Variants in YBEY observed in about 807,000 individuals in gnomAD.
YBEY encodes endoribonuclease YbeY.
Under a neutral mutation model 13.5 loss-of-function variants are expected in YBEY, and 15 were observed. The ratio of observed to expected loss-of-function variants is 1.11; its 90% CI spans 0.75 to 1.72. YBEY has a LOEUF of 1.72. Among genes scored for constraint, YBEY ranks in the 40% most tolerant of loss-of-function variants. The pLI is 0.00. For missense variants in YBEY, 244 were observed against 208.4 expected, an observed-to-expected ratio of 1.17 and a Z score of -1.05; for synonymous variants, 101 against 83.1, an observed-to-expected ratio of 1.21 and a Z score of -1.17.
downstream of YBEY, among the ~76,000 whole-genome samples, chr21:46,299,419 G>A (rs1601613864): frequency 6.6e-6 from 1 of 152,102 alleles, no homozygotes; most frequent in South Asian, 2.1e-4. Flanking sequence ...GGGGCTCACA[G>A]GTCACCACTG....
intron 3 of YBEY, among the ~76,000 whole-genome samples, chr21:46,294,881 T>C (rs13049747): frequency 0.84 from 126,757 of 151,644 alleles, 53,365 homozygotes; most frequent in African/African-American, 0.92. Context: ...CAAGTGCATC[T>C]GTGTGGCTTG....
chr21:46,297,421 C>G lies in YBEY; in HGVS notation c.409-118C>G, dbSNP rs1379704883. 3 of 1,011,082 alleles carry G rather than the reference C, an allele frequency of 3.0e-6. No individual in the cohort carries two copies. The African/African-American group carries it at 5.0e-5, about 17-fold the overall frequency. 62.6% of individuals were successfully genotyped at this position (1,011,082 alleles called of 1,614,324 possible). A position where few individuals can be genotyped will look rare whatever the true frequency, so the allele number is the denominator to read the frequency against. ...TCCCGCCTTCGGCCTGAGCTAGAGCCGCGCGGGCGGCCGGCTTCCCCCAAA... is the reference window on the plus strand; with the variant it reads ...TCCCGCCTTCGGCCTGAGCTAGAGCGGCGCGGGCGGCCGGCTTCCCCCAAA... On this transcript the variant is annotated intron_variant, in intron 4 of 4. Transcript: ENST00000397701.
At position 46,287,006 on chromosome 21, in the gene YBEY, A is replaced by G. The variant is rs2081463836; in HGVS notation, c.93A>G (p.Gly31=). 1 of 1,614,116 alleles carries G rather than the reference A, an allele frequency of 6.2e-7. No homozygotes were observed. The highest frequency in any genetic ancestry group is 1.1e-5 in the South Asian group (1 of 91,086). ...SKIEIVRRIL[G]VQKFDLGIIC... Reference sequence around the variant, plus strand: ...TCGAGATTGTAAGGAGGATTTTAGGAGTGCAGAAATTTGACCTGGGGATCA... The same window carrying G: ...TCGAGATTGTAAGGAGGATTTTAGGGGTGCAGAAATTTGACCTGGGGATCA... Residue 31 remains glycine, a synonymous_variant, in exon 2 of 5, where the codon GGA becomes GGG. Transcript: ENST00000397701.
downstream of YBEY, among the ~76,000 whole-genome samples, chr21:46,298,453 G>T (rs1025277069): frequency 7.3e-5 from 2 of 27,442 alleles, no homozygotes; most frequent in Non-Finnish European, 1.9e-4. Flanking sequence ...TTTTGAGACG[G>T]AGTCTCGCTC....
the YBEY span, among the ~76,000 whole-genome samples, chr21:46,307,734 G>A: frequency 3.3e-5 from 5 of 152,144 alleles, no homozygotes; most frequent in Admixed American, 1.3e-4. Context: ...GGGATAGGCA[G>A]GTCACTGGGA....
chr21:46,297,433 C>T, intron 4 of YBEY, 106 bp from the exon 5 acceptor site: 3 of 1,128,596 alleles, frequency 2.7e-6, no homozygotes, highest in African/African-American at 1.6e-5. Flanking sequence ...CGCGGGCGGC[C>T]GGCTTCCCCC....
Position 46,297,553 on chromosome 21 carries a change from G to C in YBEY, c.423G>C (p.Glu141Asp). ...EAEWQQMFQKEKAVLDELGRR... is the reference protein window; with the variant it reads ...EAEWQQMFQKDKAVLDELGRR... The stretch of plus-strand genomic sequence containing the variant: ...CTTCCTTCCAGATGTTCCAGAAGGA[G>C]AAGGCGGTGCTGGACGAGCTGGGCC... The change falls in exon 5 of 5, where the codon GAG (glutamate) becomes GAC (aspartate). Residue 141 changes from glutamate (E) to aspartate (D), a missense_variant. Physicochemically the swap from Glu to Asp is conservative, Grantham distance 45. Transcript: ENST00000397701. 1 of 1,395,188 alleles carries C rather than the reference G, an allele frequency of 7.2e-7. No individual in the cohort carries two copies. The highest frequency in any genetic ancestry group is 9.4e-7 in the Non-Finnish European group (1 of 1,062,040). 86.4% of individuals were successfully genotyped at this position (1,395,188 alleles called of 1,614,324 possible). A position where few individuals can be genotyped will look rare whatever the true frequency, so the allele number is the denominator to read the frequency against.
intron 2 of YBEY, among the ~76,000 whole-genome samples, chr21:46,289,842 C>T (rs2081621698): frequency 6.6e-6 from 1 of 152,094 alleles, no homozygotes; most frequent in Non-Finnish European, 1.5e-5. Flanking sequence ...AATGTCCGTC[C>T]AAGGTTAGAC....
chr21:46,287,156 C>T, intron 2 of YBEY, 33 bp downstream of exon 2: 1 of 1,399,502 alleles, frequency 7.1e-7, no homozygotes, highest in Non-Finnish European at 9.9e-7. Flanking sequence ...CTTGTCTAGC[C>T]CATCTTCCCA....
At chr21:46,298,515 G>GCTT (rs2082025562), downstream of YBEY, among the ~76,000 whole-genome samples, 3 of 143,126 alleles carry the variant, frequency 2.1e-5, no homozygotes, top group Admixed American at 7.5e-5. Flanking sequence ...TACAGGCTCC[G>GCTT]CCCGCCGGGG....
intron 2 of YBEY, among the ~76,000 whole-genome samples, chr21:46,289,441 G>GTTT (rs773002446): frequency 0.015 from 2,086 of 135,986 alleles, 78 homozygotes; most frequent in Admixed American, 0.019. Context: ...GAAGGCAAGG[G>GTTT]TTTTGTTTTT....
chr21:46,308,306 C>T, the YBEY span, among the ~76,000 whole-genome samples: 1 of 151,866 alleles, frequency 6.6e-6, no homozygotes, highest in Non-Finnish European at 1.5e-5. Context: ...ACTAAAAATA[C>T]AAAAATCAGC....
At position 46,291,389 on chromosome 21, in the gene YBEY, G is replaced by C. The variant is rs773890499; in HGVS notation, c.266G>C (p.Gly89Ala). ...QPDFPDDYNL[G>A]DIFLGVEYIF... ...GATTTTCCAGATGACTACAATTTGG[G>C]AGACATTTTCCTAGGAGTGGAGTAT... Residue 89 changes from glycine to alanine, a missense_variant, in exon 3 of 5, where the codon GGA becomes GCA. Coordinates refer to ENST00000397701, the MANE Select transcript of YBEY (RefSeq NM_001314025.2). 1 of 1,614,062 alleles carries C rather than the reference G, an allele frequency of 6.2e-7. No individual in the cohort carries two copies. The highest frequency in any genetic ancestry group is 8.5e-7 in the Non-Finnish European group (1 of 1,180,000).
chr21:46,296,643 C>A (rs1057123182), intron 4 of YBEY, among the ~76,000 whole-genome samples: 8 of 152,292 alleles, frequency 5.3e-5, no homozygotes, highest in Admixed American at 1.3e-4. Context: ...CGCACGCAAG[C>A]CCGTGTTGGG....
chr21:46,296,255 C>A (rs1054893064), intron 4 of YBEY, 25 bp downstream of exon 4: 3 of 1,612,598 alleles, frequency 1.9e-6, no homozygotes, highest in Non-Finnish European at 2.5e-6. Flanking sequence ...CATCCCACTA[C>A]CGAGGGGGTG....
chr21:46,291,877 C>A (rs1705309905), intron 3 of YBEY: 7 of 1,006,306 alleles, frequency 7.0e-6, no homozygotes, highest in Non-Finnish European at 6.0e-6. Flanking sequence ...CAGACAAAAC[C>A]AATTCACTGC....
the YBEY span, chr21:46,312,870 A>G: frequency 2.4e-6 from 1 of 421,272 alleles, no homozygotes. Context: ...TTGGTTAATT[A>G]CTGTCCTCCA....
downstream of YBEY, among the ~76,000 whole-genome samples, chr21:46,298,935 T>C (rs1303874051): frequency 1.3e-5 from 2 of 151,612 alleles, no homozygotes; most frequent in Non-Finnish European, 2.9e-5. Flanking sequence ...TTGACCAGGC[T>C]GGGCTTGAAC....
chr21:46,286,748 ATTCCC>A, intron 1 of YBEY, 117 bp from the exon 2 acceptor site: 1 of 645,172 alleles, frequency 1.5e-6, no homozygotes. Context: ...GTAAATGTAA[ATTCCC>A]TTAAGATTTT....
Sources: allele counts gnomAD v4.1 joint callset (sites outside exome capture counted in the v4.1 genomes callset), GRCh38; gene constraint gnomAD v4.1.1; transcripts MANE v1.5; gene names NCBI Gene and HGNC (gene_info 2026-07-23, HGNC 2026-07-21).